Variants in DLG1 observed in about 807,000 individuals in gnomAD.
DLG1 encodes the protein discs large MAGUK scaffold protein 1, also known as disks large homolog 1.
Under a neutral mutation model 123.4 loss-of-function variants are expected in DLG1, and 42 were observed. The observed-to-expected ratio is 0.34, with a 90% CI of 0.27 to 0.44. The LOEUF (loss-of-function observed/expected upper bound fraction) is 0.44, where lower values mean the gene tolerates loss of function less well. DLG1 is among the 20% of genes least tolerant of loss of function. The pLI is 1.00. For missense variants in DLG1, 942 were observed against 1,082.6 expected, an observed-to-expected ratio of 0.87 and a Z score of 1.82; for synonymous variants, 317 against 356.2, an observed-to-expected ratio of 0.89 and a Z score of 1.24.
intron 16 of DLG1, among the ~76,000 whole-genome samples, chr3:197,083,080 T>A (rs888327986): frequency 6.6e-6 from 1 of 152,202 alleles, no homozygotes; most frequent in Non-Finnish European, 1.5e-5. Context: ...TGGAAAAAAG[T>A]TATGCTGATT....
At position 197,104,993 on chromosome 3, in the gene DLG1, C is replaced by T. The variant is rs1055878288; in HGVS notation, c.1456G>A (p.Asp486Asn). ...GDRIISVNSV[D>N]LRAASHEQAA... Reference sequence around the variant, plus strand: ...TGCTCATGACTAGCAGCTCTGAGGTCAACACTGTTTACCTGTAAATCAAAC... The same window carrying T: ...TGCTCATGACTAGCAGCTCTGAGGTTAACACTGTTTACCTGTAAATCAAAC... Residue 486 changes from aspartate to asparagine, a missense_variant, in exon 14 of 25, where the codon GAC becomes AAC. Physicochemically the swap from Asp to Asn is conservative, Grantham distance 23. Coordinates refer to ENST00000667157, the MANE Select transcript of DLG1 (RefSeq NM_001366207.1). 3 of 1,604,414 alleles carry T rather than the reference C, an allele frequency of 1.9e-6. No homozygotes were observed. The highest frequency in any genetic ancestry group is 2.7e-5 in the African/African-American group (2 of 74,486).
chr3:197,050,581 A>C (rs975627149), intron 24 of DLG1, among the ~76,000 whole-genome samples: 3 of 152,204 alleles, frequency 2.0e-5, no homozygotes, highest in African/African-American at 7.2e-5. Flanking sequence ...CAGACACAGA[A>C]AAGCAAATAC....
chr3:197,111,344 T>C (rs1769894713), intron 13 of DLG1, among the ~76,000 whole-genome samples: 1 of 152,182 alleles, frequency 6.6e-6, no homozygotes, highest in African/African-American at 2.4e-5. Flanking sequence ...CAATGACCTA[T>C]CTAAAGTGGT....
chr3:197,110,178 T>G (rs1769059814), intron 13 of DLG1, among the ~76,000 whole-genome samples: 1 of 152,204 alleles, frequency 6.6e-6, no homozygotes. Flanking sequence ...TCTTCATTCT[T>G]TCTTTCTTTG....
At chr3:197,234,054 C>G (rs1239283122) in intron 4 of DLG1, among the ~76,000 whole-genome samples, 1 of 152,214 alleles carries the variant, frequency 6.6e-6, no homozygotes, top group Non-Finnish European at 1.5e-5. Context: ...GAGGCTGTGG[C>G]TGAGCGCCAA....
chr3:197,176,816 A>T (rs1229452463), intron 5 of DLG1, among the ~76,000 whole-genome samples: 1 of 152,164 alleles, frequency 6.6e-6, no homozygotes, highest in East Asian at 1.9e-4. Flanking sequence ...TTGGGCAAAT[A>T]CCAAGGAGTA....
chr3:197,263,641 G>A (rs931678674), intron 4 of DLG1, among the ~76,000 whole-genome samples: 1 of 152,032 alleles, frequency 6.6e-6, no homozygotes, highest in Non-Finnish European at 1.5e-5. Flanking sequence ...ACAAAAATTA[G>A]CCAGGCGTGG....
At chr3:197,258,964 A>T (rs978399293) in intron 4 of DLG1, among the ~76,000 whole-genome samples, 2 of 152,186 alleles carry the variant, frequency 1.3e-5, no homozygotes, top group Admixed American at 6.5e-5. Flanking sequence ...ATTACATCTA[A>T]TTTTTTAAGC....
At chr3:197,265,976 G>T (rs529444907) in intron 4 of DLG1, among the ~76,000 whole-genome samples, 1 of 152,294 alleles carries the variant, frequency 6.6e-6, no homozygotes, top group Non-Finnish European at 1.5e-5. Flanking sequence ...CTTGAACCCA[G>T]GAAGCGGAGG....
chr3:197,274,961 G>A (rs144823972), intron 4 of DLG1, among the ~76,000 whole-genome samples: 1,872 of 152,304 alleles, frequency 0.012, 42 homozygotes, highest in African/African-American at 0.043. Context: ...GAGGCAGGCA[G>A]ATCACGAGGT....
intron 3 of DLG1, among the ~76,000 whole-genome samples, chr3:197,285,028 TAAA>T (rs35378563): frequency 4.5e-5 from 6 of 132,316 alleles, no homozygotes; most frequent in Non-Finnish European, 6.5e-5. Context: ...TCTTATCTAT[TAAA>T]AAAAAAAAAA....
chr3:197,264,512 C>A (rs953323521), intron 4 of DLG1, among the ~76,000 whole-genome samples: 1 of 152,152 alleles, frequency 6.6e-6, no homozygotes, highest in Non-Finnish European at 1.5e-5. Context: ...CAACCTTTGC[C>A]TCCCAGGTTC....
At chr3:197,181,455 C>T (rs1466577234) in intron 5 of DLG1, among the ~76,000 whole-genome samples, 8 of 152,054 alleles carry the variant, frequency 5.3e-5, no homozygotes, top group African/African-American at 1.4e-4. Context: ...TTTCAATCTA[C>T]GTTGTTTCTA....
In DLG1 at chr3:197,127,388, A is replaced by G. The variant is rs183450526; in HGVS notation, c.1165+3139T>C. ...CAGTGAGCTGAGATTGCACCACTGCACTCCAGCCTGGGCAACAGAGCGAGA... is the reference window on the plus strand; with the variant it reads ...CAGTGAGCTGAGATTGCACCACTGCGCTCCAGCCTGGGCAACAGAGCGAGA... On this transcript the variant is annotated intron_variant, in intron 11 of 24. Transcript: ENST00000667157. Among the ~76,000 whole-genome samples, 1,210 of 128,248 alleles carry G rather than the reference A, an allele frequency of 9.4e-3. 16 individuals are homozygous for G. Among genetic ancestry groups the G allele is most frequent in the African/African-American group, 0.023 (769 of 33,220 alleles). 84.1% of individuals were successfully genotyped at this position (128,248 alleles called of 152,430 possible). A position where few individuals can be genotyped will look rare whatever the true frequency, so the allele number is the denominator to read the frequency against.
chr3:197,227,325 A>C (rs1031027933), intron 4 of DLG1, among the ~76,000 whole-genome samples: 1 of 152,090 alleles, frequency 6.6e-6, no homozygotes, highest in African/African-American at 2.4e-5. Context: ...ACACAAAAAA[A>C]TTAGCCAGGC....
Position 197,076,575 on chromosome 3 carries a change from C to G in DLG1, c.2005+11G>C. ...TTTATTTTCAGTTGACCACTGGATC[C>G]ACATACTTACGGTCAGCATCACTTG... On this transcript the variant is annotated intron_variant, in intron 18 of 24. Coordinates refer to ENST00000667157, the MANE Select transcript of DLG1 (RefSeq NM_001366207.1). 1.3e-6 allele frequency: 2 copies of G among 1,599,700 alleles called. No individual in the cohort carries two copies. The highest frequency in any genetic ancestry group is 1.7e-6 in the Non-Finnish European group (2 of 1,169,184).
chr3:197,051,380 C>T (rs573210489), intron 24 of DLG1, among the ~76,000 whole-genome samples, 197 bp downstream of exon 24: 2 of 152,208 alleles, frequency 1.3e-5, no homozygotes, highest in East Asian at 1.9e-4. Context: ...CCGAGTCATA[C>T]CATTGCACTC....
intron 14 of DLG1, among the ~76,000 whole-genome samples, chr3:197,098,811 C>T (rs1009364241): frequency 2.0e-5 from 3 of 152,220 alleles, no homozygotes; most frequent in East Asian, 1.9e-4. Context: ...GGATTACAGG[C>T]GTGAGCCATT....
chr3:197,102,301 T>G (rs145472776), intron 14 of DLG1, among the ~76,000 whole-genome samples: 9 of 152,282 alleles, frequency 5.9e-5, no homozygotes, highest in African/African-American at 2.2e-4. Flanking sequence ...TCCTGAAAGA[T>G]AAAAAACTTA....
Sources: gnomAD v4.1 joint callset for allele counts (sites outside exome capture counted in the v4.1 genomes callset) on GRCh38, gnomAD v4.1.1 for gene constraint, MANE v1.5 for transcripts, NCBI Gene and HGNC (gene_info 2026-07-23, HGNC 2026-07-21) for gene names.